The following SLC1A2 variants were observed in gnomAD, a reference collection of about 807,000 sequenced individuals.
The protein encoded by SLC1A2 is excitatory amino acid transporter 2.
SLC1A2 carries 15 observed loss-of-function variants against 48.8 expected under a neutral mutation model. The observed-to-expected ratio is 0.31, with a 90% CI of 0.21 to 0.47. The LOEUF is 0.47. Among genes scored for constraint, SLC1A2 ranks in the 20% least tolerant of loss-of-function variants. The pLI, the probability that SLC1A2 is intolerant of heterozygous loss-of-function variation, is 0.99. For missense variants in SLC1A2, 502 were observed against 730.5 expected (o/e 0.69, Z 3.61); for synonymous variants, 279 against 272.6 (o/e 1.02, Z -0.23).
intron 7 of SLC1A2, chr11:35,291,275 T>C (rs1850995900): frequency 6.6e-6 from 1 of 152,150 alleles, no homozygotes; most frequent in Admixed American, 6.5e-5. Context: ...TTTCTTTTTT[T>C]TTTTCAGATG....
intron 1 of SLC1A2, among the ~76,000 whole-genome samples, chr11:35,358,374 T>G (rs927642169): frequency 1.3e-5 from 2 of 152,212 alleles, no homozygotes; most frequent in African/African-American, 4.8e-5. Flanking sequence ...ATATTAATCA[T>G]GTTTTTAAAA....
At chr11:35,306,010 A>C in intron 5 of SLC1A2, 64 bp downstream of exon 5, 1 of 1,473,342 alleles carries the variant, frequency 6.8e-7, no homozygotes, top group African/African-American at 1.4e-5. Flanking sequence ...TTTTCTGAAA[A>C]GGGAGTGCAG....
intron 1 of SLC1A2, among the ~76,000 whole-genome samples, chr11:35,390,295 C>A (rs1410009956): frequency 1.3e-5 from 2 of 152,166 alleles, no homozygotes; most frequent in Non-Finnish European, 2.9e-5. Flanking sequence ...CAGGCACGTG[C>A]ACACACAGGC....
intron 1 of SLC1A2, among the ~76,000 whole-genome samples, chr11:35,330,086 T>G (rs1852381501): frequency 6.6e-6 from 1 of 152,210 alleles, no homozygotes; most frequent in Non-Finnish European, 1.5e-5. Context: ...TGCACACACT[T>G]AATCACGACA....
chr11:35,287,891 C>G (rs1231264709), intron 7 of SLC1A2, among the ~76,000 whole-genome samples: 3 of 152,180 alleles, frequency 2.0e-5, no homozygotes, highest in Non-Finnish European at 4.4e-5. Context: ...CATGGAAGTG[C>G]TTCATGGTCC....
intron 7 of SLC1A2, among the ~76,000 whole-genome samples, chr11:35,290,969 G>A (rs1850982384): frequency 6.6e-6 from 1 of 152,104 alleles, no homozygotes; most frequent in Admixed American, 6.5e-5. Context: ...GGCATTATTG[G>A]TCTGTTAGGT....
At position 35,252,673 on chromosome 11, in the gene SLC1A2, G is replaced by C. The variant is rs1256560126; in HGVS notation, c.*8221C>G. The C allele has an allele frequency of 6.6e-6, 1 of 152,286 alleles. No individual in the cohort carries two copies. The highest frequency in any genetic ancestry group is 1.5e-5 in the Non-Finnish European group (1 of 68,028). The allele number at this position is 152,286 out of a possible 1,614,324, so 9.4% of individuals were successfully genotyped here. A position where few individuals can be genotyped will look rare whatever the true frequency, so the allele number is the denominator to read the frequency against. On this transcript the variant is annotated 3_prime_UTR_variant, in exon 11 of 11. Coordinates refer to ENST00000278379, the MANE Select transcript of SLC1A2 (RefSeq NM_004171.4). The stretch of plus-strand genomic sequence containing the variant: ...AAAGAGGAGAAATGATTCACGACTA[G>C]TTATCTAAGAAGGAAAAAGAAATGT...
intron 5 of SLC1A2, among the ~76,000 whole-genome samples, chr11:35,305,136 T>C (rs981462905): frequency 2.0e-5 from 3 of 152,166 alleles, no homozygotes; most frequent in African/African-American, 7.2e-5. Context: ...TAGTGATGGA[T>C]GGAGGTTACG....
chr11:35,261,363 G>A (rs1950391747), intron 10 of SLC1A2, among the ~76,000 whole-genome samples: 1 of 152,206 alleles, frequency 6.6e-6, no homozygotes, highest in Admixed American at 6.5e-5. Context: ...ACTCATGCAT[G>A]TGAAAGGTTC....
At chr11:35,322,619 G>C (rs1309957127) in intron 1 of SLC1A2, 3 of 1,535,254 alleles carry the variant, frequency 2.0e-6, no homozygotes, top group Non-Finnish European at 2.6e-6. Context: ...TCAGGATCTG[G>C]AGAGGTACTG....
intron 1 of SLC1A2, among the ~76,000 whole-genome samples, chr11:35,367,231 C>T (rs11033099): frequency 0.28 from 42,887 of 152,098 alleles, 6,190 homozygotes; most frequent in African/African-American, 0.33. Flanking sequence ...TAGATTTGAC[C>T]CTGAGCTATC....
chr11:35,324,841 A>G (rs999835889), intron 1 of SLC1A2, among the ~76,000 whole-genome samples: 3 of 152,196 alleles, frequency 2.0e-5, no homozygotes, highest in Non-Finnish European at 4.4e-5. Flanking sequence ...GCTTATTTCC[A>G]GATAGACTCA....
intron 1 of SLC1A2, among the ~76,000 whole-genome samples, chr11:35,365,582 T>C (rs1267617081): frequency 3.3e-5 from 4 of 120,832 alleles, no homozygotes; most frequent in Non-Finnish European, 6.6e-5. Context: ...CTTCATCCTT[T>C]AAAACCCCGC....
At chr11:35,330,452 T>G (rs897455861) in intron 1 of SLC1A2, among the ~76,000 whole-genome samples, 1 of 152,236 alleles carries the variant, frequency 6.6e-6, no homozygotes, top group Non-Finnish European at 1.5e-5. Context: ...AACCATTTAT[T>G]GACTTTTTAT....
At chr11:35,360,550 T>C (rs1200087420) in intron 1 of SLC1A2, among the ~76,000 whole-genome samples, 38 of 152,202 alleles carry the variant, frequency 2.5e-4, no homozygotes, top group Admixed American at 2.4e-3. Context: ...CCCAGTAAAG[T>C]CATTAGTCTT....
At chr11:35,374,766 T>C (rs1460452283) in intron 1 of SLC1A2, among the ~76,000 whole-genome samples, 2 of 152,230 alleles carry the variant, frequency 1.3e-5, no homozygotes, top group African/African-American at 4.8e-5. Context: ...AGCCATCTAT[T>C]ATTTTTTAAT....
chr11:35,290,055 A>C (rs895078097), intron 7 of SLC1A2, among the ~76,000 whole-genome samples: 4 of 152,188 alleles, frequency 2.6e-5, no homozygotes, highest in African/African-American at 9.7e-5. Context: ...GAAAGCATTA[A>C]AGTGACTGGC....
chr11:35,382,944 C>A (rs1479965958), intron 1 of SLC1A2, among the ~76,000 whole-genome samples: 1 of 152,148 alleles, frequency 6.6e-6, no homozygotes, highest in Non-Finnish European at 1.5e-5. Flanking sequence ...TCCTGCTTTT[C>A]CTACCTGCAC....
intron 1 of SLC1A2, among the ~76,000 whole-genome samples, chr11:35,353,420 G>T (rs903814020): frequency 1.9e-5 from 1 of 53,442 alleles, no homozygotes; most frequent in African/African-American, 1.4e-4. Context: ...AACTGAAAAA[G>T]TCTAACTCCC....
Sources: gnomAD v4.1 joint callset for allele counts (sites outside exome capture counted in the v4.1 genomes callset) on GRCh38, gnomAD v4.1.1 for gene constraint, MANE v1.5 for transcripts, NCBI Gene and HGNC (gene_info 2026-07-23, HGNC 2026-07-21) for gene names.